Variants in CD8A observed in about 807,000 individuals in gnomAD.
CD8A encodes the protein T-cell surface glycoprotein CD8 alpha chain.
Under a neutral mutation model 24.2 loss-of-function variants are expected in CD8A, and 25 were observed. The ratio of observed to expected loss-of-function variants is 1.03; its 90% CI spans 0.75 to 1.44. The LOEUF is 1.44. CD8A is among the 40% of genes most tolerant of loss of function. The pLI, the probability that CD8A is intolerant of heterozygous loss-of-function variation, is 0.00. For synonymous variants in CD8A, 165 were observed against 149.9 expected, an observed-to-expected ratio of 1.10 and a Z score of -0.74; for missense variants, 360 against 319.7, an observed-to-expected ratio of 1.13 and a Z score of -0.96.
At position 86,790,316 on chromosome 2, in the gene CD8A, C is replaced by A. The variant is rs371497889; in HGVS notation, c.403+12G>T. 1 of 1,601,808 alleles carries A rather than the reference C, an allele frequency of 6.2e-7. No homozygotes were observed. Among genetic ancestry groups the A allele is most frequent in the Non-Finnish European group, 8.5e-7 (1 of 1,169,738 alleles). The stretch of plus-strand genomic sequence containing the variant: ...CCCCACGCGGAGAGGTGCCGCAACC[C>A]GGCGCGCGGACCTGGCAGGAAGACC... On this transcript the variant is annotated intron_variant, in intron 2 of 5. Coordinates refer to ENST00000283635, the MANE Select transcript of CD8A (RefSeq NM_001768.7).
intron 3 of CD8A, among the ~76,000 whole-genome samples, chr2:86,801,293 T>C (rs1050043596): frequency 1.4e-5 from 2 of 147,672 alleles, no homozygotes; most frequent in Non-Finnish European, 3.0e-5. Context: ...CTCCCTCCCT[T>C]CCTTCCTTCC....
At chr2:86,786,779 G>T (rs1289269736) in intron 5 of CD8A, among the ~76,000 whole-genome samples, 3 of 152,034 alleles carry the variant, frequency 2.0e-5, no homozygotes, top group Non-Finnish European at 4.4e-5. Flanking sequence ...CCAGCACTTT[G>T]GGAGGCCAAG....
At chr2:86,806,123 T>C (rs1048069446) in intron 2 of CD8A, among the ~76,000 whole-genome samples, 4 of 152,198 alleles carry the variant, frequency 2.6e-5, no homozygotes, top group Admixed American at 6.5e-5. Context: ...TAACCTCAAC[T>C]CGACCATAAA....
In CD8A at chr2:86,788,580, G is replaced by A. The variant is rs748353499; in HGVS notation, c.626-20C>T. The A allele has an allele frequency of 1.2e-6, 2 of 1,610,690 alleles. No individual in the cohort carries two copies. Among genetic ancestry groups the A allele is most frequent in the Non-Finnish European group, 1.7e-6 (2 of 1,177,222 alleles). On this transcript the variant is annotated intron_variant, in intron 4 of 5. Transcript: ENST00000283635. ...GGTTCCCTGGATAAGGAAAAAGAAG[G>A]GAAAAAGTGAGTGCCCCTATCCATC...
upstream of CD8A, chr2:86,791,739 CCCCTG>C (rs1391240765): frequency 6.9e-6 from 3 of 436,270 alleles, no homozygotes; most frequent in South Asian, 5.0e-5. Context: ...TCCGCACAGC[CCCCTG>C]CCCTGCCTTT....
intron 4 of CD8A, 96 bp downstream of exon 4, chr2:86,789,227 C>A (rs919092925): frequency 8.3e-6 from 7 of 839,542 alleles, no homozygotes; most frequent in African/African-American, 3.3e-5. Flanking sequence ...GAAAACTCAA[C>A]CCCAAGCTCC....
intron 5 of CD8A, among the ~76,000 whole-genome samples, chr2:86,787,019 C>CAAAAAAAAAAAAAAAAAAAAAAAA (rs745778659): frequency 2.7e-5 from 1 of 36,558 alleles, no homozygotes; most frequent in African/African-American, 1.1e-4. Context: ...GACTCCGTCT[C>CAAAAAAAAAAAAAAAAAAAAAAAA]AAAAAAAAAA....
chr2:86,791,408 A>T (rs995839311), upstream of CD8A: 1 of 420,008 alleles, frequency 2.4e-6, no homozygotes. Flanking sequence ...CCCTTCCCCC[A>T]GGAGATTTCC....
At chr2:86,799,890 G>A (rs1399357400) in intron 3 of CD8A, among the ~76,000 whole-genome samples, 1 of 152,006 alleles carries the variant, frequency 6.6e-6, no homozygotes, top group Non-Finnish European at 1.5e-5. Context: ...CAGTCATTAT[G>A]AGGATGCATA....
At chr2:86,802,164 A>C (rs748488452) in intron 2 of CD8A, among the ~76,000 whole-genome samples, 1 of 151,172 alleles carries the variant, frequency 6.6e-6, no homozygotes, top group African/African-American at 2.5e-5. Context: ...CAGCCTCCCT[A>C]GTAGCTGGGA....
chr2:86,789,557 T>C, intron 3 of CD8A, 83 bp downstream of exon 3: 3 of 1,295,944 alleles, frequency 2.3e-6, no homozygotes, highest in Admixed American at 3.7e-5. Flanking sequence ...CCCTTGACTC[T>C]ACCTACAGTA....
At chr2:86,805,180 T>C (rs1362335762) in intron 2 of CD8A, among the ~76,000 whole-genome samples, 1 of 152,176 alleles carries the variant, frequency 6.6e-6, no homozygotes, top group East Asian at 1.9e-4. Flanking sequence ...GAAAAAGGTT[T>C]AATGACAACT....
chr2:86,805,818 C>T (rs938277444), intron 2 of CD8A, among the ~76,000 whole-genome samples: 6 of 152,082 alleles, frequency 3.9e-5, no homozygotes, highest in Non-Finnish European at 7.4e-5. Context: ...TGTTCAGAGC[C>T]CTCCTGAGTC....
chr2:86,788,940 C>T (rs375506485), intron 4 of CD8A, among the ~76,000 whole-genome samples: 5 of 152,284 alleles, frequency 3.3e-5, no homozygotes, highest in South Asian at 4.1e-4. Flanking sequence ...CCGAAGAGGG[C>T]CAAGGACGAA....
At position 86,798,046 on chromosome 2, in the gene CD8A, T is replaced by A. The variant is rs187175269; in HGVS notation, c.-271+3465A>T. Reference sequence around the variant, plus strand: ...TTTTGAAGCTTTGTTATTAGGTGCATACACATTTAGAATTGTGCCTTCTGG... The same window carrying A: ...TTTTGAAGCTTTGTTATTAGGTGCAAACACATTTAGAATTGTGCCTTCTGG... On this transcript the variant is annotated intron_variant, in intron 3 of 8. Coordinates refer to the CD8A transcript ENST00000409511. Among the ~76,000 whole-genome samples, 146 of 152,374 alleles carry A rather than the reference T, an allele frequency of 9.6e-4. 1 individual carries two copies. The highest frequency in any genetic ancestry group is 3.4e-3 in the African/African-American group (141 of 41,588).
chr2:86,794,272 C>T (rs1339971592), upstream of CD8A, among the ~76,000 whole-genome samples: 1 of 152,166 alleles, frequency 6.6e-6, no homozygotes, highest in Non-Finnish European at 1.5e-5. Flanking sequence ...TAAACTGGTC[C>T]ATGGAAATGG....
At position 86,789,435 on chromosome 2, in the gene CD8A, T is replaced by A. The variant is rs1558734938; in HGVS notation, c.515-2A>T. On this transcript the variant is annotated splice_acceptor_variant, in intron 3 of 5. Transcript: ENST00000283635. LOFTEE classifies it high-confidence loss of function. The stretch of plus-strand genomic sequence containing the variant: ...CGAAGTCCAGCCCCCTCGTGTGCAC[T>A]GACGACACCAAAGACGCCGACATTT... 1 of 1,608,426 alleles carries A rather than the reference T, an allele frequency of 6.2e-7. No homozygotes were observed. The highest frequency in any genetic ancestry group is 8.5e-7 in the Non-Finnish European group (1 of 1,174,842).
upstream of CD8A, chr2:86,791,226 G>A (rs753617976): frequency 7.0e-5 from 29 of 415,004 alleles, no homozygotes; most frequent in Non-Finnish European, 1.2e-4. Context: ...CAGCAAAGGA[G>A]GGGAGTGTCC....
Position 86,784,785 on chromosome 2 carries a change from G to A in CD8A, c.*1135C>T. Reference sequence around the variant, plus strand: ...GATTATTCCTAAGGTGAAGAATTATGAGTGGTTCTTATTTCCTTATCTACT... The same window carrying A: ...GATTATTCCTAAGGTGAAGAATTATAAGTGGTTCTTATTTCCTTATCTACT... On this transcript the variant is annotated 3_prime_UTR_variant, in exon 6 of 6. Transcript: ENST00000283635. 2.2e-6 allele frequency: 1 copy of A among 454,120 alleles called. No homozygotes were observed. Among genetic ancestry groups the A allele is most frequent in the Non-Finnish European group, 4.4e-6 (1 of 226,794 alleles). The allele number at this position is 454,120 out of a possible 1,614,324, so 28.1% of individuals were successfully genotyped here.
Sources: allele counts gnomAD v4.1 joint callset (sites outside exome capture counted in the v4.1 genomes callset), GRCh38; gene constraint gnomAD v4.1.1; transcripts MANE v1.5; gene names NCBI Gene and HGNC (gene_info 2026-07-23, HGNC 2026-07-21).